STAG2: variants seen among roughly 807,000 people sequenced by gnomAD.
The protein encoded by STAG2 is STAG2 cohesin complex component.
In STAG2, 14 loss-of-function variants were observed where a neutral mutation model predicts 108.1. The ratio of observed to expected loss-of-function variants is 0.13; its 90% CI spans 0.09 to 0.20. The LOEUF (loss-of-function observed/expected upper bound fraction) is 0.20, where lower values mean the gene tolerates loss of function less well. STAG2 is among the 10% of genes least tolerant of loss of function. The pLI is 1.00. For missense variants in STAG2, 440 were observed against 940.9 expected (o/e 0.47, Z 6.96); for synonymous variants, 307 against 302.7 (o/e 1.01, Z -0.15).
rs771839659 is a variant in STAG2, at chrX:124,090,918, G to A, written c.3532G>A (p.Ala1178Thr). ...QEEARQQQER[A>T]AMSYVKLRTN... ...GGAAGCAAGGCAACAGCAGGAGAGAGCAGCAATGAGCTATGTTAAACTGCG... is the reference window on the plus strand; with the variant it reads ...GGAAGCAAGGCAACAGCAGGAGAGAACAGCAATGAGCTATGTTAAACTGCG... Residue 1178 changes from alanine to threonine, a missense_variant, in exon 32 of 35, where the codon GCA (alanine) becomes ACA (threonine). Around this residue, in one of 3 missense-constraint regions of STAG2, gnomAD observed 337 missense variants for 649.3 expected, o/e 0.52. Transcript: ENST00000371145. The A allele has an allele frequency of 8.3e-7, 1 of 1,210,873 alleles. No homozygotes were observed. Among genetic ancestry groups the A allele is most frequent in the Non-Finnish European group, 1.1e-6 (1 of 894,853 alleles).
intron 30 of STAG2, among the ~76,000 whole-genome samples, chrX:124,087,247 A>T (rs7881068): frequency 1.8e-5 from 2 of 112,206 alleles, no homozygotes; most frequent in African/African-American, 6.5e-5. Context: ...ATAGAGTGCT[A>T]TCGTATTAGA....
chrX:123,998,418 G>A (rs1447837390), intron 1 of STAG2, among the ~76,000 whole-genome samples: 1 of 105,176 alleles, frequency 9.5e-6, no homozygotes, highest in Non-Finnish European at 1.9e-5. Context: ...TAATCCACCC[G>A]TCTTAGCCTC....
chrX:123,995,715 A>G (rs2055703695), intron 1 of STAG2, among the ~76,000 whole-genome samples: 2 of 111,697 alleles, frequency 1.8e-5, no homozygotes, highest in Non-Finnish European at 3.8e-5. Flanking sequence ...AGAAATCATT[A>G]GCTTGTTAAG....
intron 7 of STAG2, among the ~76,000 whole-genome samples, chrX:124,044,169 T>A (rs5958377): frequency 3.6e-5 from 4 of 109,722 alleles, no homozygotes. Flanking sequence ...CCTTTTAATA[T>A]TGAATGTTTT....
chrX:123,973,540 C>A (rs866486953), intron 1 of STAG2, among the ~76,000 whole-genome samples: 275 of 45,644 alleles, frequency 6.0e-3, no homozygotes, highest in Admixed American at 7.7e-3. Context: ...GACTCTGTCT[C>A]AAAAAAAAAA....
intron 1 of STAG2, among the ~76,000 whole-genome samples, chrX:123,971,108 A>G (rs764167047): frequency 1.8e-5 from 2 of 112,048 alleles, no homozygotes; most frequent in African/African-American, 6.5e-5. Context: ...TAACTTGCCC[A>G]CTTAGTAAGC....
At chrX:124,065,621 G>A (rs1392354041) in intron 20 of STAG2, among the ~76,000 whole-genome samples, 1 of 111,222 alleles carries the variant, frequency 9.0e-6, no homozygotes, top group Non-Finnish European at 1.9e-5. Context: ...ATAATTTTGT[G>A]TCAAGTTTAC....
intron 34 of STAG2, among the ~76,000 whole-genome samples, chrX:124,096,183 TC>T (rs200092832): frequency 1.9e-5 from 2 of 106,006 alleles, no homozygotes; most frequent in African/African-American, 3.4e-5. Context: ...TTGATTTTTT[TC>T]CCCCCCATTG....
chrX:124,091,623 C>T (rs748620951), intron 32 of STAG2, among the ~76,000 whole-genome samples: 98 of 112,150 alleles, frequency 8.7e-4, no homozygotes, highest in Non-Finnish European at 1.5e-3. Flanking sequence ...TTAACTGAAG[C>T]TTTGGTCATC....
rs151017807 is a variant in STAG2, at chrX:123,962,500, G to A, written c.-163+644G>A. On this transcript the variant is annotated intron_variant, in intron 1 of 34. Coordinates refer to ENST00000371145, the MANE Select transcript of STAG2 (RefSeq NM_001042750.2). ...TATCGTGTGATTTTCGTGCTTCAGTGCTCGGCTTTAATTTTTAATATTGTA... is the reference window on the plus strand; with the variant it reads ...TATCGTGTGATTTTCGTGCTTCAGTACTCGGCTTTAATTTTTAATATTGTA... Among the ~76,000 whole-genome samples the A allele has an allele frequency of 2.3e-3, 258 of 111,174 alleles. 1 individual carries two copies. Among genetic ancestry groups the A allele is most frequent in the African/African-American group, 8.0e-3 (243 of 30,535 alleles).
intron 1 of STAG2, among the ~76,000 whole-genome samples, chrX:123,982,896 G>A (rs2054956986): frequency 1.8e-5 from 2 of 108,918 alleles, no homozygotes; most frequent in South Asian, 3.9e-4. Flanking sequence ...ATCTAATTGT[G>A]TCCAGCAGTT....
At chrX:124,074,681 A>G (rs1250952186) in intron 25 of STAG2, among the ~76,000 whole-genome samples, 1 of 111,877 alleles carries the variant, frequency 8.9e-6, no homozygotes, top group African/African-American at 3.2e-5. Context: ...CATTTCATTG[A>G]CAATACATAA....
chrX:123,979,947 TAAA>T (rs1460791862), intron 1 of STAG2, among the ~76,000 whole-genome samples: 1 of 111,981 alleles, frequency 8.9e-6, no homozygotes, highest in Non-Finnish European at 1.9e-5. Flanking sequence ...GTGTATATTT[TAAA>T]AATGCATTGT....
At chrX:124,078,154 G>A (rs2058847673) in intron 27 of STAG2, 96 bp downstream of exon 27, 2 of 565,770 alleles carry the variant, frequency 3.5e-6, no homozygotes, top group Non-Finnish European at 2.9e-6. Flanking sequence ...TGTGCAATAG[G>A]CAATTTATAA....
At chrX:124,038,472 A>G (rs1343664275) in intron 6 of STAG2, among the ~76,000 whole-genome samples, 1 of 110,548 alleles carries the variant, frequency 9.0e-6, no homozygotes, top group African/African-American at 3.3e-5. Context: ...TGGGAGAGGA[A>G]GTTGCTTAAA....
chrX:123,975,564 A>G (rs2054581437), intron 1 of STAG2, among the ~76,000 whole-genome samples: 1 of 111,818 alleles, frequency 8.9e-6, no homozygotes, highest in Non-Finnish European at 1.9e-5. Context: ...CCTGGGTTCA[A>G]GCGATTCTCC....
intron 1 of STAG2, among the ~76,000 whole-genome samples, chrX:123,964,249 T>C (rs2053995655): frequency 1.1e-5 from 1 of 94,785 alleles, no homozygotes; most frequent in East Asian, 3.3e-4. Flanking sequence ...GGCAAAACTT[T>C]CAAAAAAAAA....
chrX:123,961,012 T>G (rs2053823081), upstream of STAG2: 1 of 112,045 alleles, frequency 8.9e-6, no homozygotes, highest in African/African-American at 3.3e-5. Flanking sequence ...CTGTTGCCAT[T>G]GAATTTCCCC....
rs2056666072 is a variant in STAG2, at chrX:124,015,056, G to C, written c.-162-6311G>C. Among the ~76,000 whole-genome samples, 3 of 77,593 alleles carry C rather than the reference G, an allele frequency of 3.9e-5. No homozygotes were observed. In the Admixed American group the frequency reaches 6.3e-4, roughly 16 times the overall value. 67.4% of individuals were successfully genotyped at this position (77,593 alleles called of 115,157 possible). On this transcript the variant is annotated intron_variant, in intron 1 of 34. Transcript: ENST00000371145. ...GGCTGGAGTGCAGTGGCTTGATCTTGGCTCACTGCAAGCTCCACCTCCCGG... is the reference window on the plus strand; with the variant it reads ...GGCTGGAGTGCAGTGGCTTGATCTTCGCTCACTGCAAGCTCCACCTCCCGG...
Sources: allele counts gnomAD v4.1 joint callset (sites outside exome capture counted in the v4.1 genomes callset), GRCh38; gene constraint gnomAD v4.1.1; regional missense constraint gnomAD v4.1.1; transcripts MANE v1.5; gene names NCBI Gene and HGNC (gene_info 2026-07-23, HGNC 2026-07-21).